Variants in EYA2 observed in about 807,000 individuals in gnomAD.
EYA2 encodes the protein protein phosphatase EYA2.
Under a neutral mutation model 69.2 loss-of-function variants are expected in EYA2, and 31 were observed. That is an observed-to-expected ratio of 0.45 (90% confidence interval 0.34 to 0.60). The LOEUF (loss-of-function observed/expected upper bound fraction) is 0.60. Among genes scored for constraint, EYA2 ranks in the 20% least tolerant of loss-of-function variants. The pLI is 0.02. For missense variants in EYA2, 622 were observed against 701.2 expected (o/e 0.89, Z 1.28); for synonymous variants, 257 against 279.4 (o/e 0.92, Z 0.80).
chr20:47,074,393 G>A (rs1206474458), intron 7 of EYA2, 58 bp downstream of exon 7: 1 of 1,564,236 alleles, frequency 6.4e-7, no homozygotes. Context: ...TTCTATGAAG[G>A]AGGGACCCGC....
chr20:47,093,808 C>G (rs2032161215), intron 8 of EYA2, among the ~76,000 whole-genome samples: 2 of 152,336 alleles, frequency 1.3e-5, no homozygotes, highest in South Asian at 4.1e-4. Context: ...GGTTATATAA[C>G]AAGTGGAGGT....
intron 5 of EYA2, among the ~76,000 whole-genome samples, chr20:47,021,424 C>A (rs1219744977): frequency 6.6e-6 from 1 of 151,930 alleles, no homozygotes; most frequent in Non-Finnish European, 1.5e-5. Context: ...CTCAGGAGTT[C>A]AAGACCAGCC....
chr20:47,051,751 AT>A, intron 5 of EYA2, among the ~76,000 whole-genome samples: 1 of 152,264 alleles, frequency 6.6e-6, no homozygotes, highest in East Asian at 1.9e-4. Flanking sequence ...AGAGGCAGGG[AT>A]TTCATCAGTA....
chr20:47,073,423 T>G (rs2031388604), intron 6 of EYA2, among the ~76,000 whole-genome samples: 1 of 151,966 alleles, frequency 6.6e-6, no homozygotes, highest in Non-Finnish European at 1.5e-5. Flanking sequence ...GAACATAAAA[T>G]GTCACCTAGT....
rs1009927853 is a variant in EYA2 at position 47,152,091 on chromosome 20, C to T, written c.978+8943C>T. Among the ~76,000 whole-genome samples, 4 of 152,042 alleles carry T rather than the reference C, an allele frequency of 2.6e-5. 1 individual carries two copies. The highest frequency in any genetic ancestry group is 1.3e-4 in the Admixed American group (2 of 15,280). ...GGTTAGCAATCCAGGGACCTCTTCT[C>T]GACGAAGAGCTCAGATTCCTGCCAG... On this transcript the variant is annotated intron_variant, in intron 10 of 15. Coordinates refer to ENST00000327619, the MANE Select transcript of EYA2 (RefSeq NM_005244.5).
chr20:47,028,184 G>A (rs941892317), intron 5 of EYA2, among the ~76,000 whole-genome samples: 1 of 152,216 alleles, frequency 6.6e-6, no homozygotes, highest in African/African-American at 2.4e-5. Flanking sequence ...CCATATGCAA[G>A]CCAGGAAGAA....
chr20:47,017,014 T>C (rs1983452401), intron 5 of EYA2, among the ~76,000 whole-genome samples: 1 of 152,214 alleles, frequency 6.6e-6, no homozygotes, highest in South Asian at 2.1e-4. Context: ...ATCAAGGCTC[T>C]GCAGCCCTAG....
intron 1 of EYA2, chr20:46,978,280 A>G (rs946526842): frequency 1.1e-5 from 3 of 275,894 alleles, no homozygotes; most frequent in Non-Finnish European, 2.2e-5. Flanking sequence ...GGGGAGACCT[A>G]GGGAAATTAA....
At chr20:46,924,669 C>CAAA (rs10568771) in intron 1 of EYA2, among the ~76,000 whole-genome samples, 938 of 88,154 alleles carry the variant, frequency 0.011, 74 homozygotes, top group East Asian at 0.041. Flanking sequence ...GACTCCATCT[C>CAAA]AAAAAAAAAA....
intron 1 of EYA2, among the ~76,000 whole-genome samples, chr20:46,902,781 G>A (rs1984176317): frequency 6.6e-6 from 1 of 152,198 alleles, no homozygotes; most frequent in Non-Finnish European, 1.5e-5. Flanking sequence ...AATGGTCGTA[G>A]CATCACTGCA....
rs760086878 is a variant in EYA2, at chr20:47,074,172, C to T, written c.498C>T (p.Tyr166=). The change falls in exon 7 of 16, where the codon TAC becomes TAT. Residue 166 remains tyrosine, a synonymous_variant. Transcript: ENST00000327619. ...TCTCTTCCCAGGACTATCCTTCCTA[C>T]CCCGGCTTCCCCCAGAGCCAGTACC... ...FGSVHQDYPS[Y]PGFPQSQYPQ... The T allele has an allele frequency of 4.4e-5, 71 of 1,611,784 alleles. No individual in the cohort carries two copies. Among genetic ancestry groups the T allele is most frequent in the South Asian group, 1.2e-4 (11 of 90,826 alleles).
chr20:47,012,338 C>T (rs886940546), intron 4 of EYA2, among the ~76,000 whole-genome samples: 2 of 152,218 alleles, frequency 1.3e-5, no homozygotes, highest in East Asian at 3.8e-4. Flanking sequence ...CCAGGCCAAA[C>T]CGTGACCAGA....
intron 10 of EYA2, among the ~76,000 whole-genome samples, chr20:47,151,905 T>A (rs1389235373): frequency 6.6e-6 from 1 of 152,056 alleles, no homozygotes; most frequent in Non-Finnish European, 1.5e-5. Flanking sequence ...CGGTTGATGA[T>A]CTTGCCCTAC....
chr20:46,933,778 G>A (rs1985777080), intron 1 of EYA2, among the ~76,000 whole-genome samples: 2 of 152,246 alleles, frequency 1.3e-5, no homozygotes, highest in African/African-American at 4.8e-5. Flanking sequence ...CTGTGCTTTA[G>A]TCTTGCCTAT....
intron 1 of EYA2, among the ~76,000 whole-genome samples, chr20:46,968,925 TA>T (rs1431825915): frequency 7.2e-5 from 11 of 152,228 alleles, no homozygotes; most frequent in African/African-American, 2.4e-4. Context: ...CAGTATTACG[TA>T]TCTCATGGGT....
intron 12 of EYA2, among the ~76,000 whole-genome samples, chr20:47,178,636 A>G (rs1031033384): frequency 1.3e-5 from 2 of 152,100 alleles, no homozygotes; most frequent in African/African-American, 4.8e-5. Context: ...GTAGCTCTGG[A>G]AGCCAGCTGC....
chr20:47,172,437 C>G (rs1197141656), intron 11 of EYA2, among the ~76,000 whole-genome samples: 1 of 152,102 alleles, frequency 6.6e-6, no homozygotes, highest in Non-Finnish European at 1.5e-5. Flanking sequence ...GCGCAAGACC[C>G]TGTCTCAAAA....
chr20:47,085,135 C>T (rs2031854731), intron 7 of EYA2, among the ~76,000 whole-genome samples: 1 of 151,848 alleles, frequency 6.6e-6, no homozygotes, highest in Non-Finnish European at 1.5e-5. Flanking sequence ...CCATGCCCAG[C>T]CTCATCCATT....
At chr20:47,155,180 T>C (rs1327854343) in intron 10 of EYA2, among the ~76,000 whole-genome samples, 1 of 151,962 alleles carries the variant, frequency 6.6e-6, no homozygotes, top group African/African-American at 2.4e-5. Flanking sequence ...CTTTGTAAGA[T>C]GAAAAATCGA....
Sources: allele counts gnomAD v4.1 joint callset (sites outside exome capture counted in the v4.1 genomes callset), GRCh38; gene constraint gnomAD v4.1.1; transcripts MANE v1.5; gene names NCBI Gene and HGNC (gene_info 2026-07-23, HGNC 2026-07-21).